Variants in TEX11 observed in about 807,000 individuals in gnomAD.
TEX11 encodes testis expressed 11.
TEX11 carries 7 observed loss-of-function variants against 84.4 expected under a neutral mutation model. The observed-to-expected ratio is 0.08, with a 90% confidence interval of 0.05 to 0.16. The LOEUF (loss-of-function observed/expected upper bound fraction) is 0.16. Ranked by LOEUF, TEX11 falls within the 10% of genes least tolerant of loss-of-function variation. The pLI, the probability that TEX11 is intolerant of heterozygous loss-of-function variation, is 1.00. For synonymous variants in TEX11, 264 were observed against 222.8 expected, an observed-to-expected ratio of 1.18 and a Z score of -1.64; for missense variants, 551 against 660.5, an observed-to-expected ratio of 0.83 and a Z score of 1.82.
At chrX:70,696,911 T>C (rs936368786) in intron 13 of TEX11, among the ~76,000 whole-genome samples, 13 of 112,245 alleles carry the variant, frequency 1.2e-4, no homozygotes, top group African/African-American at 4.2e-4. Flanking sequence ...TGGGCTCTTA[T>C]ATGGAGGCTT....
intron 13 of TEX11, among the ~76,000 whole-genome samples, chrX:70,684,104 G>A (rs1287485287): frequency 1.2e-4 from 13 of 111,390 alleles, no homozygotes; most frequent in African/African-American, 4.2e-4. Context: ...GTTTCCATGG[G>A]ACCAAGTGAT....
chrX:70,719,625 A>G (rs1252976065), intron 13 of TEX11, among the ~76,000 whole-genome samples: 1 of 112,191 alleles, frequency 8.9e-6, no homozygotes, highest in Non-Finnish European at 1.9e-5. Flanking sequence ...TACTCATCTG[A>G]CAAAGAGCTA....
chrX:70,751,113 T>C (rs1474705807), intron 9 of TEX11, among the ~76,000 whole-genome samples: 3 of 104,031 alleles, frequency 2.9e-5, no homozygotes, highest in African/African-American at 1.0e-4. Flanking sequence ...CCATTTGACC[T>C]AGCCCTCCCA....
chrX:70,713,372 GC>G (rs1340756144), intron 13 of TEX11, among the ~76,000 whole-genome samples: 3 of 111,965 alleles, frequency 2.7e-5, no homozygotes, highest in African/African-American at 9.7e-5. Context: ...AATGGTACCA[GC>G]TCCTCCTTGT....
At chrX:70,612,541 T>C (rs1194737140) in intron 20 of TEX11, among the ~76,000 whole-genome samples, 1 of 101,034 alleles carries the variant, frequency 9.9e-6, no homozygotes, top group African/African-American at 3.7e-5. Flanking sequence ...AGAAAACCTT[T>C]GATGGGCTTA....
chrX:70,606,902 T>C, intron 23 of TEX11, 57 bp downstream of exon 23: 3 of 763,157 alleles, frequency 3.9e-6, no homozygotes, highest in South Asian at 3.0e-5. Flanking sequence ...ACTATAGCCA[T>C]AGTGGTTATA....
chrX:70,554,618 C>T (rs758673840), intron 26 of TEX11, 33 bp downstream of exon 26: 2 of 1,154,904 alleles, frequency 1.7e-6, no homozygotes, highest in Non-Finnish European at 1.2e-6. Flanking sequence ...TAAATGGGCA[C>T]CAGCCTTACA....
chrX:70,525,451 G>C (rs2087813621), downstream of TEX11, among the ~76,000 whole-genome samples: 1 of 110,033 alleles, frequency 9.1e-6, no homozygotes. Flanking sequence ...GCCGAGTGTG[G>C]TGGCACTCCT....
At chrX:70,866,795 C>T (rs761706894) in intron 4 of TEX11, among the ~76,000 whole-genome samples, 1 of 111,951 alleles carries the variant, frequency 8.9e-6, no homozygotes, top group South Asian at 3.7e-4. Flanking sequence ...TGACAAAAAC[C>T]ACATGATTAT....
intron 20 of TEX11, among the ~76,000 whole-genome samples, chrX:70,621,378 G>A (rs760123263): frequency 2.9e-5 from 3 of 102,890 alleles, no homozygotes; most frequent in East Asian, 6.2e-4. Flanking sequence ...AAAATTAGCC[G>A]GGTGTGGTGG....
intron 2 of TEX11, 24 bp from the exon 3 acceptor site, chrX:70,880,133 T>C: frequency 8.7e-7 from 1 of 1,147,930 alleles, no homozygotes; most frequent in East Asian, 3.1e-5. Flanking sequence ...GGATGATAAA[T>C]GTGCTGTGAA....
intron 9 of TEX11, among the ~76,000 whole-genome samples, chrX:70,749,128 G>T (rs1192857485): frequency 1.7e-4 from 18 of 106,678 alleles, no homozygotes; most frequent in South Asian, 4.4e-4. Flanking sequence ...CCTTGAAGAG[G>T]TCCTTCACAT....
intron 20 of TEX11, among the ~76,000 whole-genome samples, chrX:70,614,162 A>G (rs2089293288): frequency 9.0e-6 from 1 of 111,251 alleles, no homozygotes. Context: ...AGAAAAGCAG[A>G]GGGAAAAGTA....
At chrX:70,812,600 A>AG (rs2091263282) in intron 8 of TEX11, among the ~76,000 whole-genome samples, 1 of 111,103 alleles carries the variant, frequency 9.0e-6, no homozygotes, top group Admixed American at 9.7e-5. Flanking sequence ...TTTATTAAAT[A>AG]GGGAACCGAA....
intron 9 of TEX11, among the ~76,000 whole-genome samples, chrX:70,789,558 T>TCAAA (rs1009514681): frequency 9.9e-5 from 11 of 111,611 alleles, no homozygotes; most frequent in African/African-American, 2.9e-4. Flanking sequence ...AGACTCTGTC[T>TCAAA]CAAACAAACA....
rs1001029282 is a variant in TEX11 at position 70,699,162 on chromosome X, G to A, written c.1005-16337C>T. Among the ~76,000 whole-genome samples, 4 of 111,514 alleles carry A rather than the reference G, an allele frequency of 3.6e-5. No homozygotes were observed. The Admixed American group carries it at 3.8e-4, about 11-fold the overall frequency. ...TGAAGAAAGAGACAGAGATGTCTGG[G>A]TAGCATCCAGTGACTTCCAGCCTAG... On this transcript the variant is annotated intron_variant, in intron 13 of 29. Coordinates refer to ENST00000374333, the MANE Select transcript of TEX11 (RefSeq NM_031276.3).
At chrX:70,800,162 G>A (rs1251829917) in intron 9 of TEX11, among the ~76,000 whole-genome samples, 1 of 111,253 alleles carries the variant, frequency 9.0e-6, no homozygotes, top group Non-Finnish European at 1.9e-5. Context: ...AGTACCACAT[G>A]TTCTCACTTG....
chrX:70,786,257 G>C (rs2091078304), intron 9 of TEX11, among the ~76,000 whole-genome samples: 1 of 111,057 alleles, frequency 9.0e-6, no homozygotes, highest in African/African-American at 3.3e-5. Context: ...CTCATAGGTG[G>C]GAATTGAACC....
intron 11 of TEX11, among the ~76,000 whole-genome samples, chrX:70,732,657 C>A (rs964765115): frequency 5.4e-5 from 6 of 111,284 alleles, no homozygotes; most frequent in African/African-American, 9.8e-5. Flanking sequence ...AAAGAGGATA[C>A]AAACAAATGG....
Sources: allele counts gnomAD v4.1 joint callset (sites outside exome capture counted in the v4.1 genomes callset), GRCh38; gene constraint gnomAD v4.1.1; transcripts MANE v1.5; gene names NCBI Gene and HGNC (gene_info 2026-07-23, HGNC 2026-07-21).